The following SLC9A9 variants were observed in gnomAD, a reference collection of about 807,000 sequenced individuals.
SLC9A9 encodes the protein solute carrier family 9 member A9.
A neutral mutation model predicts 77.8 loss-of-function variants in SLC9A9; 62 were observed. The ratio of observed to expected loss-of-function variants is 0.80; its 90% confidence interval spans 0.65 to 0.98. SLC9A9 has a LOEUF of 0.98. Among genes scored for constraint, SLC9A9 ranks in the 50% least tolerant of loss-of-function variants. The pLI, the probability that SLC9A9 is intolerant of heterozygous loss-of-function variation, is 0.00. For missense variants in SLC9A9, 775 were observed against 774.9 expected (o/e 1.00, Z 0.00); for synonymous variants, 320 against 283.5 (o/e 1.13, Z -1.29).
At chr3:143,520,683 T>G (rs1277022113) in intron 9 of SLC9A9, among the ~76,000 whole-genome samples, 1 of 152,174 alleles carries the variant, frequency 6.6e-6, no homozygotes, top group Non-Finnish European at 1.5e-5. Flanking sequence ...AGAGGTGCAG[T>G]GACTTTCCCA....
At chr3:143,624,379 C>A (rs1265085699) in intron 6 of SLC9A9, among the ~76,000 whole-genome samples, 6 of 152,172 alleles carry the variant, frequency 3.9e-5, no homozygotes, top group Non-Finnish European at 7.4e-5. Flanking sequence ...AAATACTGGC[C>A]AACTGAATCC....
chr3:143,830,578 C>T (rs1019200137), intron 2 of SLC9A9, among the ~76,000 whole-genome samples: 1 of 152,086 alleles, frequency 6.6e-6, no homozygotes, highest in Non-Finnish European at 1.5e-5. Flanking sequence ...TAATTATCAG[C>T]ATTTGGTGGG....
In SLC9A9 at chr3:143,809,184, A is replaced by G. The variant is rs577739985; in HGVS notation, c.379-12281T>C. On this transcript the variant is annotated intron_variant, in intron 2 of 15. Transcript: ENST00000316549. The stretch of plus-strand genomic sequence containing the variant: ...ATCTGGAAGAGAGAAACACAGTGGT[A>G]CAACCTCCTGGACAGAAAATCCCTT... Among the ~76,000 whole-genome samples, 3 of 152,364 alleles carry G rather than the reference A, an allele frequency of 2.0e-5. No homozygotes were observed. In the South Asian group the frequency reaches 6.2e-4, roughly 32 times the overall value.
intron 5 of SLC9A9, among the ~76,000 whole-genome samples, chr3:143,660,686 C>T (rs140898152): frequency 1.6e-3 from 240 of 152,232 alleles, no homozygotes; most frequent in Middle Eastern, 6.8e-3. Flanking sequence ...ACAATAAGAA[C>T]GACAAAACAG....
intron 5 of SLC9A9, among the ~76,000 whole-genome samples, chr3:143,686,520 A>C (rs1305358701): frequency 6.6e-6 from 1 of 152,084 alleles, no homozygotes; most frequent in African/African-American, 2.4e-5. Context: ...CATAGACCTG[A>C]AGAAGGTGGG....
chr3:143,795,300 A>C (rs1025661731), intron 3 of SLC9A9, among the ~76,000 whole-genome samples: 6 of 150,338 alleles, frequency 4.0e-5, no homozygotes, highest in Admixed American at 1.3e-4. Flanking sequence ...AAAAAAAAAA[A>C]CCCACTGGAA....
chr3:143,734,085 T>C (rs1038108378), intron 4 of SLC9A9, among the ~76,000 whole-genome samples: 29 of 152,222 alleles, frequency 1.9e-4, no homozygotes, highest in African/African-American at 7.0e-4. Context: ...TAGTCCCAGC[T>C]TCTCAGGAGG....
intron 6 of SLC9A9, among the ~76,000 whole-genome samples, chr3:143,590,803 A>G (rs2037633163): frequency 6.6e-6 from 1 of 152,212 alleles, no homozygotes; most frequent in South Asian, 2.1e-4. Flanking sequence ...AAAAAAAACC[A>G]TGAAAACAAC....
intron 5 of SLC9A9, among the ~76,000 whole-genome samples, chr3:143,667,338 G>T: frequency 6.6e-6 from 1 of 152,148 alleles, no homozygotes; most frequent in Non-Finnish European, 1.5e-5. Flanking sequence ...ATTCAAGATG[G>T]ATTAAAGACT....
chr3:143,347,774 A>G (rs1286556935), intron 14 of SLC9A9, among the ~76,000 whole-genome samples: 1 of 152,186 alleles, frequency 6.6e-6, no homozygotes, highest in Non-Finnish European at 1.5e-5. Flanking sequence ...CTTGAGATGT[A>G]TTTTATAGAT....
intron 12 of SLC9A9, among the ~76,000 whole-genome samples, chr3:143,415,035 T>C (rs1211807330): frequency 6.6e-6 from 1 of 152,174 alleles, no homozygotes; most frequent in Non-Finnish European, 1.5e-5. Flanking sequence ...GGATAGAAGA[T>C]GAAAACAGCC....
At chr3:143,404,569 A>T (rs6797479) in intron 12 of SLC9A9, among the ~76,000 whole-genome samples, 8,378 of 152,106 alleles carry the variant, frequency 0.055, 322 homozygotes, top group African/African-American at 0.11. Context: ...AGCAGTTTGC[A>T]TTCCCCTAGC....
At chr3:143,407,640 T>A (rs556387297) in intron 12 of SLC9A9, among the ~76,000 whole-genome samples, 1 of 152,248 alleles carries the variant, frequency 6.6e-6, no homozygotes, top group Non-Finnish European at 1.5e-5. Context: ...CTGACAAGGA[T>A]CTTTAGAATC....
At chr3:143,623,567 G>A (rs915036499) in intron 6 of SLC9A9, among the ~76,000 whole-genome samples, 41 of 152,066 alleles carry the variant, frequency 2.7e-4, no homozygotes, top group African/African-American at 6.3e-4. Flanking sequence ...TGAAACCAAC[G>A]AGAACAAAGA....
At chr3:143,615,884 CT>C (rs71140444) in intron 6 of SLC9A9, among the ~76,000 whole-genome samples, 211 of 141,392 alleles carry the variant, frequency 1.5e-3, no homozygotes, top group African/African-American at 2.2e-3. Context: ...CTTTAAATTT[CT>C]TTTTTTTTTT....
At chr3:143,392,070 GC>G (rs2033583077) in intron 12 of SLC9A9, among the ~76,000 whole-genome samples, 2 of 152,254 alleles carry the variant, frequency 1.3e-5, no homozygotes, top group African/African-American at 4.8e-5. Context: ...AGCAAGGCAG[GC>G]CAATATTCAA....
chr3:143,357,396 C>T (rs932049978), intron 14 of SLC9A9, among the ~76,000 whole-genome samples: 12 of 152,110 alleles, frequency 7.9e-5, no homozygotes, highest in African/African-American at 2.9e-4. Context: ...ATTGCCTCCA[C>T]ATAGTGGGTA....
Position 143,633,641 on chromosome 3 carries a change from A to G in SLC9A9, c.755+18614T>C, listed in dbSNP as rs576060730. Among the ~76,000 whole-genome samples, 9 of 152,328 alleles carry G rather than the reference A, an allele frequency of 5.9e-5. No homozygotes were observed. The South Asian group carries it at 1.9e-3, about 32-fold the overall frequency. Reference sequence around the variant, plus strand: ...TTTTGTAAGGTAGATTGCTAGAAGTACCTTCACTGGGCACATTTAAATTTT... The same window carrying G: ...TTTTGTAAGGTAGATTGCTAGAAGTGCCTTCACTGGGCACATTTAAATTTT... On this transcript the variant is annotated intron_variant, in intron 6 of 15. Coordinates refer to ENST00000316549, the MANE Select transcript of SLC9A9 (RefSeq NM_173653.4).
At chr3:143,717,266 T>C (rs895611948) in intron 4 of SLC9A9, among the ~76,000 whole-genome samples, 1 of 152,234 alleles carries the variant, frequency 6.6e-6, no homozygotes, top group Non-Finnish European at 1.5e-5. Context: ...ACAGTCCCAG[T>C]GATACCATGT....
Sources: gnomAD v4.1 joint callset for allele counts (sites outside exome capture counted in the v4.1 genomes callset) on GRCh38, gnomAD v4.1.1 for gene constraint, MANE v1.5 for transcripts, NCBI Gene and HGNC (gene_info 2026-07-23, HGNC 2026-07-21) for gene names.